The following ADGRV1 variants were observed in gnomAD, a reference collection of about 807,000 sequenced individuals.
ADGRV1 encodes adhesion G protein-coupled receptor V1, also known as G-protein coupled receptor 98.
A neutral mutation model predicts 596.2 loss-of-function variants in ADGRV1; 359 were observed. The ratio of observed to expected loss-of-function variants is 0.60; its 90% confidence interval spans 0.55 to 0.66. The LOEUF is 0.66. Among genes scored for constraint, ADGRV1 ranks in the 30% least tolerant of loss-of-function variants. The probability of loss-of-function intolerance (pLI) is 0.00; values close to 1 mark genes in which losing one functional copy is unlikely to be tolerated. For synonymous variants in ADGRV1, 2,681 were observed against 2,679.2 expected (o/e 1.00, Z -0.02); for missense variants, 7,274 against 7,575.6 (o/e 0.96, Z 1.48).
intron 83 of ADGRV1, among the ~76,000 whole-genome samples, chr5:90,932,025 C>T (rs1775297943): frequency 6.6e-6 from 1 of 152,162 alleles, no homozygotes; most frequent in Non-Finnish European, 1.5e-5. Context: ...TATTTTCCTT[C>T]TCCACATAAA....
At chr5:91,082,413 A>G (rs996233286) in intron 86 of ADGRV1, among the ~76,000 whole-genome samples, 9 of 152,200 alleles carry the variant, frequency 5.9e-5, no homozygotes, top group East Asian at 1.9e-4. Flanking sequence ...TGCAGCTTCA[A>G]TCTCCTGGGC....
At chr5:90,821,753 TGAG>T (rs905357963) in intron 75 of ADGRV1, among the ~76,000 whole-genome samples, 4 of 152,078 alleles carry the variant, frequency 2.6e-5, no homozygotes, top group African/African-American at 9.7e-5. Context: ...GGCACCCACT[TGAG>T]GAGGCAGTCT....
intron 86 of ADGRV1, among the ~76,000 whole-genome samples, chr5:91,086,343 A>G (rs1049336181): frequency 6.6e-6 from 1 of 152,174 alleles, no homozygotes; most frequent in African/African-American, 2.4e-5. Flanking sequence ...AGATATTGTC[A>G]TCAACTTTGC....
chr5:90,910,228 G>A (rs1772735281), intron 83 of ADGRV1, among the ~76,000 whole-genome samples: 1 of 152,254 alleles, frequency 6.6e-6, no homozygotes, highest in African/African-American at 2.4e-5. Flanking sequence ...TGGAGGAGCT[G>A]ATACTTGTGC....
At chr5:90,714,274 T>G (rs1326960968) in intron 42 of ADGRV1, among the ~76,000 whole-genome samples, 1 of 152,002 alleles carries the variant, frequency 6.6e-6, no homozygotes, top group Non-Finnish European at 1.5e-5. Context: ...TGACACTGGT[T>G]TGTTTTTTTT....
intron 59 of ADGRV1, 31 bp from the exon 60 acceptor site, chr5:90,774,155 G>C (rs1178110359): frequency 1.5e-6 from 2 of 1,308,728 alleles, no homozygotes; most frequent in Non-Finnish European, 2.2e-6. Flanking sequence ...GGTCAATCTG[G>C]AAAATGCACT....
Position 90,743,418 on chromosome 5 carries a change from A to C in ADGRV1, c.10550-1628A>C, listed in dbSNP as rs529875070. 2.5e-4 allele frequency among the ~76,000 whole-genome samples: 38 copies of C among 151,400 alleles called. No individual in the cohort carries two copies. The South Asian group carries it at 6.9e-3, about 27-fold the overall frequency. The stretch of plus-strand genomic sequence containing the variant: ...TGGGCTAAAATTGTAGAAGAGGCTC[A>C]TATGTTCTTATTCTTGGTGCTATTT... On this transcript the variant is annotated intron_variant, in intron 50 of 89. Transcript: ENST00000405460.
rs1026514423 is a variant in ADGRV1, at chr5:90,703,678, A to G, written c.8169A>G (p.Gln2723=). 6.3e-6 allele frequency: 10 copies of G among 1,599,544 alleles called. No homozygotes were observed. The highest frequency in any genetic ancestry group is 1.7e-5 in the Admixed American group (1 of 58,644). Residue 2723 remains glutamine (Q), a synonymous_variant, in exon 35 of 90, where the codon CAA becomes CAG. Coordinates refer to ENST00000405460, the MANE Select transcript of ADGRV1 (RefSeq NM_032119.4). ...TTTTACTTGCAGGAGAAATTTTACA[A>G]TTCCATGTGATAAGAACTTTCCCTG... ...SVIGHEGEIL[Q]FHVIRTFPGR...
chr5:90,991,976 C>T (rs531662424), intron 85 of ADGRV1, among the ~76,000 whole-genome samples: 3 of 152,264 alleles, frequency 2.0e-5, no homozygotes, highest in Admixed American at 1.3e-4. Context: ...TCTCTTCATG[C>T]ATTTGCTCAG....
chr5:90,823,352 A>G lies in ADGRV1; in HGVS notation c.16197-73A>G, dbSNP rs895886028. 10 of 1,436,932 alleles carry G rather than the reference A, an allele frequency of 7.0e-6. No homozygotes were observed. The African/African-American group carries it at 1.1e-4, about 16-fold the overall frequency. 89.0% of individuals were successfully genotyped at this position (1,436,932 alleles called of 1,614,324 possible). On this transcript the variant is annotated intron_variant, in intron 75 of 89. Coordinates refer to ENST00000405460, the MANE Select transcript of ADGRV1 (RefSeq NM_032119.4). ...ATACTTTGGATGAAGAGGTACCATT[A>G]TTTGATAATAAACTCTATTAGACAT...
At chr5:91,093,844 T>C (rs1176945429) in intron 86 of ADGRV1, among the ~76,000 whole-genome samples, 3 of 150,152 alleles carry the variant, frequency 2.0e-5, no homozygotes, top group Non-Finnish European at 2.9e-5. Flanking sequence ...CGTGTATACA[T>C]ACGTAAGTTT....
At chr5:90,568,650 T>G (rs1425549840) in intron 1 of ADGRV1, among the ~76,000 whole-genome samples, 1 of 152,212 alleles carries the variant, frequency 6.6e-6, no homozygotes, top group Non-Finnish European at 1.5e-5. Flanking sequence ...ATTTTTTAAC[T>G]CTTCCCTTTT....
intron 1 of ADGRV1, among the ~76,000 whole-genome samples, chr5:90,595,065 G>A (rs1760102620): frequency 2.2e-5 from 3 of 138,770 alleles, no homozygotes; most frequent in East Asian, 2.1e-4. Flanking sequence ...GGGCGGCCGG[G>A]CAGAGGCGCC....
chr5:91,085,891 G>A (rs1190983596), intron 86 of ADGRV1, among the ~76,000 whole-genome samples: 6 of 152,120 alleles, frequency 3.9e-5, no homozygotes, highest in Admixed American at 3.3e-4. Flanking sequence ...CATACAAGTT[G>A]CCTGTTCTCA....
chr5:90,745,298 T>G (rs1383986312), intron 51 of ADGRV1, 33 bp downstream of exon 51: 9 of 1,334,840 alleles, frequency 6.7e-6, no homozygotes, highest in Non-Finnish European at 8.3e-6. Flanking sequence ...AGTATCTTTA[T>G]GTTCACTGTA....
chr5:90,828,896 G>C, intron 76 of ADGRV1, 48 bp from the exon 77 acceptor site: 1 of 1,307,126 alleles, frequency 7.7e-7, no homozygotes. Flanking sequence ...TCTACAGATA[G>C]AAATATATTA....
chr5:91,162,311 T>A (rs1797019005), intron 89 of ADGRV1, among the ~76,000 whole-genome samples: 1 of 152,028 alleles, frequency 6.6e-6, no homozygotes, highest in Non-Finnish European at 1.5e-5. Context: ...AAGAGAATCA[T>A]CATGTTTCAA....
At chr5:90,861,740 A>G (rs1182178814) in intron 82 of ADGRV1, among the ~76,000 whole-genome samples, 1 of 152,238 alleles carries the variant, frequency 6.6e-6, no homozygotes, top group South Asian at 2.1e-4. Context: ...GTTTAAATAG[A>G]TGTTAAATAT....
chr5:90,868,863 A>G (rs1328970069), intron 83 of ADGRV1, among the ~76,000 whole-genome samples: 11 of 152,106 alleles, frequency 7.2e-5, no homozygotes, highest in Non-Finnish European at 2.9e-5. Flanking sequence ...ATATTATTAC[A>G]TTCATGACTG....
Sources: gnomAD v4.1 joint callset for allele counts (sites outside exome capture counted in the v4.1 genomes callset) on GRCh38, gnomAD v4.1.1 for gene constraint, MANE v1.5 for transcripts, NCBI Gene and HGNC (gene_info 2026-07-23, HGNC 2026-07-21) for gene names.